The following PCDH11X variants were observed in gnomAD, a reference collection of about 807,000 sequenced individuals.
The protein encoded by PCDH11X is protocadherin 11 X-linked, also known as protocadherin-11 X-linked.
Under a neutral mutation model 53.3 loss-of-function variants are expected in PCDH11X, and 18 were observed. That is an observed-to-expected ratio of 0.34 (90% CI 0.23 to 0.50). PCDH11X has a LOEUF of 0.50. Ranked by LOEUF, PCDH11X falls within the 20% of genes least tolerant of loss-of-function variation. PCDH11X has a pLI of 0.98. For missense variants in PCDH11X, 570 were observed against 1,032.4 expected (o/e 0.55, Z 6.14); for synonymous variants, 279 against 393.3 (o/e 0.71, Z 3.44).
At chrX:92,132,635 G>GTATATATATATATATATATATATGTA (rs796606879) in intron 6 of PCDH11X, among the ~76,000 whole-genome samples, 1 of 61,852 alleles carries the variant, frequency 1.6e-5, no homozygotes, top group Non-Finnish European at 2.9e-5. Flanking sequence ...ATATATATAT[G>GTATATATATATATATATATATATGTA]TATATATATA....
At chrX:91,832,321 G>T (rs1937137224) in intron 4 of PCDH11X, among the ~76,000 whole-genome samples, 1 of 109,906 alleles carries the variant, frequency 9.1e-6, no homozygotes, top group African/African-American at 3.3e-5. Flanking sequence ...CCATAAAAAA[G>T]GATGAGTTCA....
intron 7 of PCDH11X, among the ~76,000 whole-genome samples, chrX:92,236,035 T>G (rs2067165688): frequency 8.9e-6 from 1 of 112,006 alleles, no homozygotes; most frequent in Admixed American, 9.6e-5. Flanking sequence ...TTATCTATTT[T>G]TCATATAACA....
In PCDH11X at chrX:92,148,057, C is replaced by T. The variant is rs12007477; in HGVS notation, c.3034-53318C>T. 7.4e-3 allele frequency among the ~76,000 whole-genome samples: 125 copies of T among 16,957 alleles called. 8 individuals carry two copies. Among genetic ancestry groups the T allele is most frequent in the African/African-American group, 0.027 (101 of 3,717 alleles). 14.7% of individuals were successfully genotyped at this position (16,957 alleles called of 115,157 possible). On this transcript the variant is annotated intron_variant, in intron 6 of 10. Transcript: ENST00000682573. ...CCTTCTTTCCCTTCCTTCCTTCCTT[C>T]CTTTCTTTCTTTCTTTCTTTCTTTC...
intron 1 of PCDH11X, among the ~76,000 whole-genome samples, chrX:91,783,363 GT>G (rs1935226370): frequency 9.0e-6 from 1 of 111,717 alleles, no homozygotes; most frequent in Non-Finnish European, 1.9e-5. Context: ...TGGCCTTTTT[GT>G]CACCGGACTG....
chrX:92,068,622 C>T (rs1343412584), intron 6 of PCDH11X, among the ~76,000 whole-genome samples: 1 of 109,259 alleles, frequency 9.2e-6, no homozygotes. Flanking sequence ...TTACTGCAAC[C>T]TCTGCTTTCC....
At chrX:91,944,861 A>G (rs768842469) in intron 6 of PCDH11X, among the ~76,000 whole-genome samples, 1 of 105,410 alleles carries the variant, frequency 9.5e-6, no homozygotes, top group Admixed American at 1.1e-4. Context: ...ACAGCTTTCA[A>G]AATACAAATC....
chrX:91,926,570 C>A (rs887172137), intron 6 of PCDH11X, among the ~76,000 whole-genome samples: 1 of 110,983 alleles, frequency 9.0e-6, no homozygotes, highest in African/African-American at 3.3e-5. Context: ...ATCAGACAGC[C>A]AATTGATTGA....
intron 6 of PCDH11X, among the ~76,000 whole-genome samples, chrX:92,030,778 C>T (rs1166896520): frequency 9.3e-6 from 1 of 107,802 alleles, no homozygotes; most frequent in Non-Finnish European, 1.9e-5. Context: ...TTCACTTAAC[C>T]CAATGATCTT....
chrX:92,000,676 G>A (rs774388874), intron 6 of PCDH11X, among the ~76,000 whole-genome samples: 2 of 109,337 alleles, frequency 1.8e-5, no homozygotes, highest in South Asian at 8.0e-4. Flanking sequence ...TTGTTTATTC[G>A]TTCTAACTAT....
chrX:92,271,311 G>A (rs1295694270), intron 8 of PCDH11X, among the ~76,000 whole-genome samples: 1 of 112,057 alleles, frequency 8.9e-6, no homozygotes, highest in Non-Finnish European at 1.9e-5. Flanking sequence ...TGTCAATGAG[G>A]CATATTTTGA....
chrX:91,919,400 G>A (rs1412398143), intron 6 of PCDH11X, among the ~76,000 whole-genome samples: 1 of 111,865 alleles, frequency 8.9e-6, no homozygotes, highest in Non-Finnish European at 1.9e-5. Context: ...GGGTACTTCC[G>A]TGAAAGTGAT....
chrX:92,052,273 T>C (rs763520125), intron 6 of PCDH11X, among the ~76,000 whole-genome samples: 63 of 108,383 alleles, frequency 5.8e-4, no homozygotes, highest in African/African-American at 2.1e-3. Context: ...GAAAAACAAA[T>C]GCAATCCCAA....
chrX:92,497,020 G>A (rs1336655415), intron 10 of PCDH11X, among the ~76,000 whole-genome samples: 2 of 111,930 alleles, frequency 1.8e-5, no homozygotes, highest in Non-Finnish European at 3.8e-5. Context: ...AATAGTTAAA[G>A]CGGTAAAGCA....
At chrX:92,522,261 G>A (rs189949892) in intron 10 of PCDH11X, among the ~76,000 whole-genome samples, 2 of 111,319 alleles carry the variant, frequency 1.8e-5, no homozygotes, top group Non-Finnish European at 1.9e-5. Flanking sequence ...CCATTTTATG[G>A]TTATTAATTG....
intron 10 of PCDH11X, among the ~76,000 whole-genome samples, chrX:92,478,399 C>A (rs1334652177): frequency 9.1e-6 from 1 of 110,287 alleles, no homozygotes; most frequent in African/African-American, 3.3e-5. Flanking sequence ...TATTTCTTGT[C>A]TTCTGCTAGC....
chrX:91,897,347 AT>A (rs1940787006), intron 6 of PCDH11X, among the ~76,000 whole-genome samples: 1 of 108,639 alleles, frequency 9.2e-6, no homozygotes, highest in Middle Eastern at 4.3e-3. Flanking sequence ...GATGAGTTTG[AT>A]GGAGGAGGGA....
rs754361520 is a variant in PCDH11X at position 92,514,023 on chromosome X, A to T, written c.3367+45701A>T. 8.9e-5 allele frequency among the ~76,000 whole-genome samples: 10 copies of T among 111,885 alleles called. No homozygotes were observed. The East Asian group carries it at 2.5e-3, about 28-fold the overall frequency. ...AGCATAGTGTTTTTAAGGCTAATCC[A>T]TATTGTAGTATGTATCAGTACTCCA... is the stretch of plus-strand genomic sequence containing the variant. On this transcript the variant is annotated intron_variant, in intron 10 of 10. Transcript: ENST00000682573.
At chrX:92,232,808 C>G (rs749974701) in intron 7 of PCDH11X, among the ~76,000 whole-genome samples, 2 of 111,844 alleles carry the variant, frequency 1.8e-5, no homozygotes, top group Admixed American at 9.5e-5. Context: ...GCTCCGCCTT[C>G]TGCTTCACGC....
chrX:92,511,248 G>A (rs1433957173), intron 10 of PCDH11X, among the ~76,000 whole-genome samples: 1 of 111,677 alleles, frequency 9.0e-6, no homozygotes, highest in Non-Finnish European at 1.9e-5. Flanking sequence ...TCAGTAAATT[G>A]TATTGACTCC....
Sources: gnomAD v4.1 joint callset for allele counts (sites outside exome capture counted in the v4.1 genomes callset) on GRCh38, gnomAD v4.1.1 for gene constraint, MANE v1.5 for transcripts, NCBI Gene and HGNC (gene_info 2026-07-23, HGNC 2026-07-21) for gene names.